The following USP42 variants were observed in gnomAD, a reference collection of about 807,000 sequenced individuals.
The protein encoded by USP42 is ubiquitin specific peptidase 42, also known as ubiquitin carboxyl-terminal hydrolase 42.
In USP42, 23 loss-of-function variants were observed where a neutral mutation model predicts 113.0. The observed-to-expected ratio is 0.20, with a 90% CI of 0.15 to 0.29. The LOEUF (loss-of-function observed/expected upper bound fraction) is 0.29, where lower values mean the gene tolerates loss of function less well. Among genes scored for constraint, USP42 ranks in the 10% least tolerant of loss-of-function variants. The pLI, the probability that USP42 is intolerant of heterozygous loss-of-function variation, is 1.00. For synonymous variants in USP42, 933 were observed against 699.0 expected, an observed-to-expected ratio of 1.33 and a Z score of -5.28; for missense variants, 2,174 against 1,779.8, an observed-to-expected ratio of 1.22 and a Z score of -3.99.
At chr7:6,123,364 T>C (rs1045408445) in intron 3 of USP42, among the ~76,000 whole-genome samples, 1 of 151,682 alleles carries the variant, frequency 6.6e-6, no homozygotes. Flanking sequence ...CTGTATAATA[T>C]AAAATATTAA....
At chr7:6,138,887 G>A (rs1037589171) in intron 4 of USP42, among the ~76,000 whole-genome samples, 1 of 152,134 alleles carries the variant, frequency 6.6e-6, no homozygotes, top group African/African-American at 2.4e-5. Flanking sequence ...CCAGTCCCTG[G>A]TGCCCAAACG....
At chr7:6,138,973 A>G (rs1781305729) in intron 4 of USP42, 119 bp from the exon 5 acceptor site, 3 of 638,276 alleles carry the variant, frequency 4.7e-6, no homozygotes, top group East Asian at 3.0e-5. Context: ...CTATTTCCTC[A>G]TAAAGTAAGT....
At position 6,156,949 on chromosome 7, in the gene USP42, C is replaced by T. The variant is rs779253638; in HGVS notation, c.3837C>T (p.Leu1279=). Reference sequence around the variant, plus strand: ...GGAGAGCCCAGGGTGGCTTTCCTCTCTCTGGTGGCCCGCCTCTGGAAGGCG... The same window carrying T: ...GGAGAGCCCAGGGTGGCTTTCCTCTTTCTGGTGGCCCGCCTCTGGAAGGCG... ...QFRRAQGGFP[L]SGGPPLEGVG... The change falls in exon 16 of 18, where the codon CTC becomes CTT. Residue 1279 remains leucine (L), a synonymous_variant. Transcript: ENST00000306177. 3 of 1,613,834 alleles carry T rather than the reference C, an allele frequency of 1.9e-6. No homozygotes were observed. The highest frequency in any genetic ancestry group is 3.3e-5 in the Admixed American group (2 of 60,000).
intron 14 of USP42, among the ~76,000 whole-genome samples, chr7:6,151,303 C>A (rs985413617): frequency 1.3e-5 from 2 of 152,206 alleles, no homozygotes; most frequent in African/African-American, 4.8e-5. Flanking sequence ...AAATTGATTT[C>A]TTCAATAGTA....
At chr7:6,124,706 C>G (rs1359036566) in intron 3 of USP42, among the ~76,000 whole-genome samples, 1 of 152,020 alleles carries the variant, frequency 6.6e-6, no homozygotes, top group Admixed American at 6.6e-5. Context: ...TACCATCTTG[C>G]TATTTTTTTT....
chr7:6,114,426 C>T (rs545588834), intron 2 of USP42, among the ~76,000 whole-genome samples: 24 of 151,846 alleles, frequency 1.6e-4, no homozygotes, highest in African/African-American at 4.3e-4. Flanking sequence ...TATCAACTTA[C>T]GGGCAGTGAT....
intron 3 of USP42, among the ~76,000 whole-genome samples, chr7:6,132,031 C>G (rs1161501449): frequency 6.6e-6 from 1 of 152,176 alleles, no homozygotes; most frequent in Non-Finnish European, 1.5e-5. Context: ...CTCTTGGGCT[C>G]AAGTAATCCT....
At chr7:6,142,547 T>G (rs1198888840) in intron 7 of USP42, among the ~76,000 whole-genome samples, 2 of 152,168 alleles carry the variant, frequency 1.3e-5, no homozygotes, top group African/African-American at 4.8e-5. Flanking sequence ...AAAATTTTCA[T>G]TTGCTGTTAT....
intron 12 of USP42, 100 bp downstream of exon 12, chr7:6,147,992 A>G: frequency 4.1e-6 from 5 of 1,231,758 alleles, no homozygotes; most frequent in Admixed American, 2.2e-5. Context: ...CCTCAAATAC[A>G]TCTGAATTTC....
At chr7:6,092,039 TTCTTCTTCTTCTTC>T in the USP42 span, among the ~76,000 whole-genome samples, 19 of 101,944 alleles carry the variant, frequency 1.9e-4, no homozygotes, top group South Asian at 6.5e-4. Context: ...CTTCTTCTTC[TTCTTCTTCTTCTTC>T]TTTCTTCTTC....
intron 3 of USP42, among the ~76,000 whole-genome samples, chr7:6,122,493 CAG>C (rs796759092): frequency 3.3e-5 from 5 of 151,996 alleles, no homozygotes; most frequent in African/African-American, 1.2e-4. Context: ...TGTTTTGAGA[CAG>C]AGTCTTGCTC....
At chr7:6,130,510 C>T (rs1319674636) in intron 3 of USP42, among the ~76,000 whole-genome samples, 2 of 152,116 alleles carry the variant, frequency 1.3e-5, no homozygotes, top group East Asian at 1.9e-4. Context: ...AATCTGGGCT[C>T]CCCACATGAT....
the USP42 span, among the ~76,000 whole-genome samples, chr7:6,092,029 C>CTTTTCTTCTTCTTCTTCTT: frequency 9.1e-6 from 1 of 110,270 alleles, no homozygotes; most frequent in African/African-American, 3.6e-5. Flanking sequence ...TCTTCTTCTT[C>CTTTTCTTCTTCTTCTTCTT]TTCTTCTTCT....
intron 3 of USP42, among the ~76,000 whole-genome samples, chr7:6,134,553 C>T (rs957860042): frequency 2.6e-5 from 4 of 152,292 alleles, no homozygotes; most frequent in South Asian, 2.1e-4. Context: ...TCCTCAGCCT[C>T]GGTGCTGCCA....
intron 1 of USP42, among the ~76,000 whole-genome samples, chr7:6,110,765 A>C (rs1321529688): frequency 6.6e-6 from 1 of 152,220 alleles, no homozygotes; most frequent in Non-Finnish European, 1.5e-5. Flanking sequence ...AGTTTTAAGC[A>C]GTATAGAAGG....
rs1781813550 is a variant in USP42, at chr7:6,147,873, T to C, written c.1367T>C (p.Leu456Pro). Residue 456 changes from leucine (L) to proline (P), a missense_variant, in exon 12 of 18, where the codon CTT (leucine) becomes CCT (proline). Physicochemically the swap from Leu to Pro is moderately conservative, Grantham distance 98. Transcript: ENST00000306177. The part of the protein sequence containing the change: ...QAAPGFIGPQ[L>P]PSHMIKNPPH... ...GCGCCAGGCTTTATCGGACCACAGC[T>C]TCCCTCTCACATGATAAAGGTAACA... 5 of 1,611,220 alleles carry C rather than the reference T, an allele frequency of 3.1e-6. No individual in the cohort carries two copies. The highest frequency in any genetic ancestry group is 4.2e-6 in the Non-Finnish European group (5 of 1,178,462).
chr7:6,127,324 T>G (rs1354207986), intron 3 of USP42, among the ~76,000 whole-genome samples: 2 of 152,218 alleles, frequency 1.3e-5, no homozygotes, highest in Non-Finnish European at 2.9e-5. Flanking sequence ...TTTAGTGGAT[T>G]GTGCTTTTAG....
chr7:6,156,242 C>T (rs1782439267), intron 15 of USP42, among the ~76,000 whole-genome samples: 1 of 152,200 alleles, frequency 6.6e-6, no homozygotes. Flanking sequence ...TGCCAGGTGT[C>T]TCAGGCACAT....
the USP42 span, among the ~76,000 whole-genome samples, chr7:6,081,998 T>C: frequency 6.6e-6 from 1 of 152,130 alleles, no homozygotes; most frequent in Non-Finnish European, 1.5e-5. Context: ...AAGTTCCAAA[T>C]AATAGGTATT....
Sources: allele counts gnomAD v4.1 joint callset (sites outside exome capture counted in the v4.1 genomes callset), GRCh38; gene constraint gnomAD v4.1.1; transcripts MANE v1.5; gene names NCBI Gene and HGNC (gene_info 2026-07-23, HGNC 2026-07-21).